STPG2: variants seen among roughly 807,000 people sequenced by gnomAD.
STPG2 encodes sperm-tail PG-rich repeat-containing protein 2.
A neutral mutation model predicts 54.2 loss-of-function variants in STPG2; 56 were observed. The ratio of observed to expected loss-of-function variants is 1.03; its 90% CI spans 0.83 to 1.29. STPG2 has a LOEUF of 1.29. Among genes scored for constraint, STPG2 ranks in the 50% most tolerant of loss-of-function variants. The pLI, the probability that STPG2 is intolerant of heterozygous loss-of-function variation, is 0.00. For synonymous variants in STPG2, 200 were observed against 181.8 expected, an observed-to-expected ratio of 1.10 and a Z score of -0.81; for missense variants, 596 against 544.9, an observed-to-expected ratio of 1.09 and a Z score of -0.93.
chr4:97,551,111 CTGATTGGTCCGTTTTTACAGAGTG>C (rs1731957132), intron 4 of STPG2, among the ~76,000 whole-genome samples: 5 of 151,970 alleles, frequency 3.3e-5, no homozygotes, highest in African/African-American at 1.2e-4. Flanking sequence ...TTACAGAGTG[CTGATTGGTCCGTTTTTACAGAGTG>C]CTGATTGGTG....
chr4:97,788,263 C>A (rs1446803295), intron 9 of STPG2, among the ~76,000 whole-genome samples: 1 of 152,016 alleles, frequency 6.6e-6, no homozygotes, highest in Admixed American at 6.6e-5. Flanking sequence ...TCATTCTACT[C>A]TCTATTTCTA....
At chr4:97,950,028 C>A (rs1392337041) in intron 7 of STPG2, among the ~76,000 whole-genome samples, 1 of 152,070 alleles carries the variant, frequency 6.6e-6, no homozygotes, top group Non-Finnish European at 1.5e-5. Flanking sequence ...ATTGTTAAAA[C>A]CTCCACTGCA....
chr4:98,024,383 C>T (rs1426669), intron 5 of STPG2, among the ~76,000 whole-genome samples: 59,939 of 151,950 alleles, frequency 0.39, 12,058 homozygotes, highest in Middle Eastern at 0.46. Flanking sequence ...CCAACTGGAA[C>T]ACCTATTATT....
intron 8 of STPG2, among the ~76,000 whole-genome samples, chr4:97,943,296 T>C (rs1443922802): frequency 1.3e-5 from 2 of 152,176 alleles, no homozygotes; most frequent in Non-Finnish European, 2.9e-5. Flanking sequence ...ACATTTAGAC[T>C]CTAGCAACAT....
chr4:98,056,027 A>T (rs1737470482), intron 5 of STPG2, among the ~76,000 whole-genome samples: 1 of 151,944 alleles, frequency 6.6e-6, no homozygotes, highest in South Asian at 2.1e-4. Context: ...GCAACTCCCC[A>T]CGTCACTTTG....
At chr4:98,135,836 A>G (rs1320153299) in intron 1 of STPG2, among the ~76,000 whole-genome samples, 1 of 151,900 alleles carries the variant, frequency 6.6e-6, no homozygotes, top group Non-Finnish European at 1.5e-5. Context: ...CCAATGAAAC[A>G]TTCTACTTAC....
chr4:97,447,031 A>G (rs1309804534), intron 4 of STPG2, among the ~76,000 whole-genome samples: 1 of 152,234 alleles, frequency 6.6e-6, no homozygotes, highest in Non-Finnish European at 1.5e-5. Context: ...AACTTCCTAG[A>G]GACTTGTTAA....
At chr4:97,616,092 A>ATATATATATATATATATATG (rs764342142) in intron 10 of STPG2, among the ~76,000 whole-genome samples, 34 of 63,220 alleles carry the variant, frequency 5.4e-4, no homozygotes, top group Admixed American at 1.0e-3. Context: ...ATATATATAT[A>ATATATATATATATATATATG]TATGTATGTA....
At chr4:97,963,404 C>T (rs1733965218) in intron 7 of STPG2, among the ~76,000 whole-genome samples, 1 of 151,968 alleles carries the variant, frequency 6.6e-6, no homozygotes, top group African/African-American at 2.4e-5. Flanking sequence ...CCCCTGTAAC[C>T]CCACTGCTTT....
rs537806226 is a variant in STPG2, at chr4:97,710,872, A to G, written c.1320+1827T>C. Reference sequence around the variant, plus strand: ...ATTACAGACTCAGTTCTCAACAGAAAAGCTACCTTGAAGTTCAGTAAATAT... The same window carrying G: ...ATTACAGACTCAGTTCTCAACAGAAGAGCTACCTTGAAGTTCAGTAAATAT... On this transcript the variant is annotated intron_variant, in intron 10 of 10. Transcript: ENST00000295268. Among the ~76,000 whole-genome samples, 311 of 152,162 alleles carry G rather than the reference A, an allele frequency of 2.0e-3. 1 individual carries two copies. The highest frequency in any genetic ancestry group is 3.3e-3 in the Non-Finnish European group (227 of 67,944).
chr4:97,905,424 C>T (rs1241618352), intron 8 of STPG2, among the ~76,000 whole-genome samples: 2 of 151,738 alleles, frequency 1.3e-5, no homozygotes, highest in Non-Finnish European at 2.9e-5. Flanking sequence ...TTTGTCACCA[C>T]CAGGCCTGCC....
At chr4:97,454,891 T>A (rs1232744352) in intron 4 of STPG2, among the ~76,000 whole-genome samples, 1 of 152,018 alleles carries the variant, frequency 6.6e-6, no homozygotes, top group Admixed American at 6.6e-5. Flanking sequence ...ATAGAAAAAA[T>A]AGAATGCTGC....
intron 4 of STPG2, among the ~76,000 whole-genome samples, chr4:97,547,273 C>G (rs566888974): frequency 5.9e-5 from 9 of 151,454 alleles, no homozygotes; most frequent in South Asian, 2.1e-4. Flanking sequence ...TGCCATGGCA[C>G]GATCTCGGCT....
intron 10 of STPG2, among the ~76,000 whole-genome samples, chr4:97,661,754 T>C (rs1722382411): frequency 6.6e-6 from 1 of 152,024 alleles, no homozygotes; most frequent in Admixed American, 6.6e-5. Context: ...AAAAAAGAAC[T>C]TCTCCACTCT....
intron 9 of STPG2, among the ~76,000 whole-genome samples, chr4:97,803,549 T>C (rs928070188): frequency 6.6e-6 from 1 of 152,132 alleles, no homozygotes; most frequent in Non-Finnish European, 1.5e-5. Context: ...TCCCAAGTTC[T>C]CCTGGGGTGA....
At chr4:97,873,355 C>A (rs1466507934) in intron 8 of STPG2, among the ~76,000 whole-genome samples, 1 of 151,310 alleles carries the variant, frequency 6.6e-6, no homozygotes, top group Non-Finnish European at 1.5e-5. Flanking sequence ...AAATTGTTAA[C>A]CTAAACCACT....
chr4:98,005,193 C>T (rs1735539184), intron 5 of STPG2, among the ~76,000 whole-genome samples: 1 of 152,098 alleles, frequency 6.6e-6, no homozygotes, highest in South Asian at 2.1e-4. Context: ...ACTTCTTCTG[C>T]CTCCTTTTTT....
At chr4:97,803,968 C>T (rs1312923181) in intron 9 of STPG2, among the ~76,000 whole-genome samples, 112 of 152,184 alleles carry the variant, frequency 7.4e-4, no homozygotes, top group Non-Finnish European at 8.8e-5. Context: ...AAGGCAGTCA[C>T]TGGTTGGGAG....
At chr4:97,494,376 G>A (rs2148829156) in intron 4 of STPG2, among the ~76,000 whole-genome samples, 1 of 151,600 alleles carries the variant, frequency 6.6e-6, no homozygotes, top group East Asian at 2.0e-4. Context: ...ATCCAGGGGA[G>A]CAGAATTGCC....
Sources: allele counts gnomAD v4.1 joint callset (sites outside exome capture counted in the v4.1 genomes callset), GRCh38; gene constraint gnomAD v4.1.1; transcripts MANE v1.5; gene names NCBI Gene and HGNC (gene_info 2026-07-23, HGNC 2026-07-21).